Variants in TENM2 observed in about 807,000 individuals in gnomAD.
The protein encoded by TENM2 is teneurin transmembrane protein 2, also known as teneurin-2.
Under a neutral mutation model 245.2 loss-of-function variants are expected in TENM2, and 52 were observed. The ratio of observed to expected loss-of-function variants is 0.21; its 90% confidence interval spans 0.17 to 0.27. The LOEUF is 0.27. TENM2 is among the 10% of genes least tolerant of loss of function. The pLI is 1.00. For synonymous variants in TENM2, 1,363 were observed against 1,438.9 expected, an observed-to-expected ratio of 0.95 and a Z score of 1.19; for missense variants, 3,046 against 3,666.8, an observed-to-expected ratio of 0.83 and a Z score of 4.37.
At chr5:167,859,967 G>A (rs1383050428) in intron 2 of TENM2, among the ~76,000 whole-genome samples, 8 of 41,436 alleles carry the variant, frequency 1.9e-4, no homozygotes, top group African/African-American at 8.1e-4. Flanking sequence ...TGGGGGGGTC[G>A]GCCCCCCGCC....
At chr5:166,999,693 A>G in the TENM2 span, among the ~76,000 whole-genome samples, 1 of 152,284 alleles carries the variant, frequency 6.6e-6, no homozygotes, top group South Asian at 2.1e-4. Context: ...GTGGATGGTG[A>G]GCAGCATTCA....
In TENM2 at chr5:168,027,645, G is replaced by A. The variant is rs528017274; in HGVS notation, c.1187-19782G>A. 4.6e-5 allele frequency among the ~76,000 whole-genome samples: 7 copies of A among 152,272 alleles called. No individual in the cohort carries two copies. The South Asian group carries it at 1.2e-3, about 27-fold the overall frequency. Reference sequence around the variant, plus strand: ...TCACTCCTCGTGGCCAGAATGAAAGGTGTTGTCTAAAGAAAAGTCAAGTTG... The same window carrying A: ...TCACTCCTCGTGGCCAGAATGAAAGATGTTGTCTAAAGAAAAGTCAAGTTG... On this transcript the variant is annotated intron_variant, in intron 5 of 28. Coordinates refer to ENST00000518659, the Ensembl canonical transcript of TENM2.
At position 167,638,155 on chromosome 5, in the gene TENM2, G is replaced by T. The variant is rs1376266945; in HGVS notation, c.503-237831G>T. The stretch of plus-strand genomic sequence containing the variant: ...TGTGTGTGTGTGTGTCAGGGGGCAT[G>T]CATACACAAGTGCACATGCATTCAT... On this transcript the variant is annotated intron_variant, in intron 2 of 28. Coordinates refer to ENST00000518659, the Ensembl canonical transcript of TENM2. Among the ~76,000 whole-genome samples the T allele has an allele frequency of 2.7e-5, 4 of 148,640 alleles. No homozygotes were observed. In the South Asian group the frequency reaches 6.4e-4, roughly 24 times the overall value.
At chr5:167,702,071 T>G (rs1758176908) in intron 2 of TENM2, among the ~76,000 whole-genome samples, 1 of 152,194 alleles carries the variant, frequency 6.6e-6, no homozygotes, top group Non-Finnish European at 1.5e-5. Flanking sequence ...ATAAAATGTG[T>G]TCCCTGCCTT....
intron 1 of TENM2, among the ~76,000 whole-genome samples, chr5:167,311,280 T>A (rs1188498479): frequency 1.3e-5 from 2 of 152,216 alleles, no homozygotes; most frequent in Non-Finnish European, 2.9e-5. Context: ...TTTTAAAGAA[T>A]TTGGAAATAA....
At chr5:167,422,140 T>C (rs1763547091) in intron 2 of TENM2, among the ~76,000 whole-genome samples, 1 of 152,184 alleles carries the variant, frequency 6.6e-6, no homozygotes, top group Non-Finnish European at 1.5e-5. Flanking sequence ...ATAGGATATA[T>C]TTATGACTTT....
the TENM2 span, among the ~76,000 whole-genome samples, chr5:167,275,053 GT>G: frequency 1.3e-5 from 2 of 151,830 alleles, no homozygotes; most frequent in African/African-American, 4.8e-5. Flanking sequence ...AAATTAAGGA[GT>G]TTTTTGTTGT....
chr5:168,262,247 A>G, exon 29 of TENM2: 1 of 1,605,742 alleles, frequency 6.2e-7, no homozygotes, highest in Non-Finnish European at 8.5e-7. Context: ...CGTGTCCAGC[A>G]TCGCCAGCGA....
chr5:167,848,841 A>G (rs1197262555), intron 2 of TENM2, among the ~76,000 whole-genome samples: 2 of 151,528 alleles, frequency 1.3e-5, no homozygotes, highest in African/African-American at 4.9e-5. Flanking sequence ...CCCTTTCCCA[A>G]CCCCCTGCTA....
At chr5:168,174,363 CT>C (rs1316341612) in intron 13 of TENM2, among the ~76,000 whole-genome samples, 2 of 152,118 alleles carry the variant, frequency 1.3e-5, no homozygotes, top group African/African-American at 2.4e-5. Context: ...AAGCTTTGTC[CT>C]CTGTAAAGTG....
chr5:167,992,913 A>C, intron 4 of TENM2, 31 bp from the exon 7 acceptor site: 1 of 1,575,834 alleles, frequency 6.3e-7, no homozygotes, highest in Admixed American at 1.7e-5. Context: ...GCTACCCATG[A>C]CCACTCTGAC....
At chr5:168,136,692 C>T (rs1257473905) in intron 12 of TENM2, among the ~76,000 whole-genome samples, 3 of 152,134 alleles carry the variant, frequency 2.0e-5, no homozygotes, top group African/African-American at 7.2e-5. Flanking sequence ...CCACAGAGTC[C>T]TTTTTGTATC....
intron 1 of TENM2, among the ~76,000 whole-genome samples, chr5:167,319,605 G>C (rs1023110390): frequency 6.6e-6 from 1 of 152,084 alleles, no homozygotes; most frequent in Non-Finnish European, 1.5e-5. Flanking sequence ...ACAATACTCA[G>C]GGAAGTCTAG....
intron 1 of TENM2, chr5:167,309,836 A>T (rs997109990): frequency 2.6e-5 from 4 of 152,170 alleles, no homozygotes; most frequent in African/African-American, 9.7e-5. Context: ...GCACGGTATT[A>T]TGGGAGGAGA....
At chr5:167,979,861 T>C (rs1782706025) in intron 4 of TENM2, among the ~76,000 whole-genome samples, 1 of 152,168 alleles carries the variant, frequency 6.6e-6, no homozygotes, top group Admixed American at 6.5e-5. Flanking sequence ...ATGTTGTTTA[T>C]CGAAATCTTG....
chr5:167,596,521 C>T (rs1170328771), intron 2 of TENM2, among the ~76,000 whole-genome samples: 3 of 152,072 alleles, frequency 2.0e-5, no homozygotes, highest in East Asian at 1.9e-4. Context: ...AGGCCGGGCG[C>T]GGTGGCTCAC....
intron 2 of TENM2, among the ~76,000 whole-genome samples, chr5:167,587,901 G>A (rs1392181208): frequency 3.9e-5 from 6 of 152,128 alleles, no homozygotes; most frequent in East Asian, 1.9e-4. Flanking sequence ...CCCTTAGCCC[G>A]TGAGCCATGT....
chr5:167,872,246 G>A (rs72835628), intron 2 of TENM2, among the ~76,000 whole-genome samples: 2,763 of 149,390 alleles, frequency 0.018, 48 homozygotes, highest in Middle Eastern at 0.031. Flanking sequence ...GTGCTCCAGC[G>A]TGAGCAACAA....
chr5:167,641,008 G>T (rs1474134485), intron 2 of TENM2, among the ~76,000 whole-genome samples: 3 of 149,528 alleles, frequency 2.0e-5, no homozygotes, highest in African/African-American at 7.4e-5. Flanking sequence ...ACCGACCTCA[G>T]ACCTGCTGAA....
Sources: gnomAD v4.1 joint callset for allele counts (sites outside exome capture counted in the v4.1 genomes callset) on GRCh38, gnomAD v4.1.1 for gene constraint, MANE v1.5 for transcripts, NCBI Gene and HGNC (gene_info 2026-07-23, HGNC 2026-07-21) for gene names.